The following DLC1 variants were observed in gnomAD, a reference collection of about 807,000 sequenced individuals.
DLC1 encodes rho GTPase-activating protein 7.
A neutral mutation model predicts 140.3 loss-of-function variants in DLC1; 54 were observed. That is an observed-to-expected ratio of 0.38 (90% confidence interval 0.31 to 0.48). DLC1 has a LOEUF of 0.48. Among genes scored for constraint, DLC1 ranks in the 20% least tolerant of loss-of-function variants. The pLI is 0.96. For missense variants in DLC1, 2,536 were observed against 1,907.0 expected, an observed-to-expected ratio of 1.33 and a Z score of -6.14; for synonymous variants, 986 against 728.1, an observed-to-expected ratio of 1.35 and a Z score of -5.70.
chr8:13,444,693 T>C (rs1359122807), intron 2 of DLC1, among the ~76,000 whole-genome samples: 1 of 152,240 alleles, frequency 6.6e-6, no homozygotes, highest in Non-Finnish European at 1.5e-5. Context: ...TCATACAAAA[T>C]ATTATCACAC....
At chr8:13,364,595 C>G (rs139007279) in intron 4 of DLC1, among the ~76,000 whole-genome samples, 1 of 152,162 alleles carries the variant, frequency 6.6e-6, no homozygotes, top group Non-Finnish European at 1.5e-5. Flanking sequence ...CCACAGCAGG[C>G]CTGCATAATG....
intron 1 of DLC1, among the ~76,000 whole-genome samples, chr8:13,549,908 A>C (rs939071416): frequency 1.2e-4 from 19 of 152,138 alleles, no homozygotes; most frequent in Admixed American, 8.5e-4. Context: ...CGGCTTGTTT[A>C]CAAACTACAC....
chr8:13,151,998 C>G (rs34679071), intron 5 of DLC1, among the ~76,000 whole-genome samples: 2 of 151,898 alleles, frequency 1.3e-5, no homozygotes, highest in African/African-American at 4.8e-5. Context: ...TGGTTGTGTT[C>G]TATCTATTGC....
chr8:13,419,893 C>G (rs1238989112), intron 2 of DLC1, among the ~76,000 whole-genome samples: 6 of 152,148 alleles, frequency 3.9e-5, no homozygotes, highest in Non-Finnish European at 8.8e-5. Context: ...ATTTCAGATC[C>G]TGTTATTGGT....
chr8:13,135,467 C>T (rs992229713), intron 5 of DLC1, among the ~76,000 whole-genome samples: 4 of 152,084 alleles, frequency 2.6e-5, no homozygotes, highest in African/African-American at 9.7e-5. Context: ...AGGCGTGAGC[C>T]ACCGCGCCCG....
intron 5 of DLC1, among the ~76,000 whole-genome samples, chr8:13,129,161 C>G (rs1278742627): frequency 1.3e-5 from 2 of 152,224 alleles, no homozygotes; most frequent in African/African-American, 2.4e-5. Flanking sequence ...GCTGATGGCG[C>G]TCATTCAACG....
At position 13,229,666 on chromosome 8, in the gene DLC1, A is replaced by AAG. The variant is rs146976808; in HGVS notation, c.1348+75601_1348+75602dup. On this transcript the variant is annotated intron_variant, in intron 5 of 17. Transcript: ENST00000276297. ...GAGAGAGAGAAAGAGAGAGAGAGAG[A>AAG]AGAGAGAGAGAGAGACTTCTTTTTC... Among the ~76,000 whole-genome samples, 51 of 150,312 alleles carry AAG rather than the reference A, an allele frequency of 3.4e-4. 1 individual carries two copies. The highest frequency in any genetic ancestry group is 6.0e-4 in the Admixed American group (9 of 15,096).
At chr8:13,415,302 T>C (rs1404742729) in intron 2 of DLC1, among the ~76,000 whole-genome samples, 2 of 152,034 alleles carry the variant, frequency 1.3e-5, no homozygotes, top group East Asian at 3.8e-4. Context: ...TATTAGTCAC[T>C]TGTTGTGAAA....
intron 5 of DLC1, among the ~76,000 whole-genome samples, chr8:13,250,008 C>G (rs1829935366): frequency 6.6e-6 from 1 of 152,166 alleles, no homozygotes; most frequent in African/African-American, 2.4e-5. Flanking sequence ...GACATTGTGG[C>G]CACTTCCATC....
intron 1 of DLC1, among the ~76,000 whole-genome samples, chr8:13,581,598 C>T (rs913662716): frequency 2.0e-5 from 3 of 152,206 alleles, no homozygotes; most frequent in Admixed American, 1.3e-4. Flanking sequence ...CACCTTATTT[C>T]AGGCTTAAAC....
intron 2 of DLC1, among the ~76,000 whole-genome samples, chr8:13,496,717 C>G (rs182536075): frequency 5.7e-4 from 86 of 150,938 alleles, no homozygotes; most frequent in Admixed American, 1.6e-3. Flanking sequence ...GGATCTGACT[C>G]CATGTTTTTA....
chr8:13,480,739 A>G (rs1800690090), intron 2 of DLC1, among the ~76,000 whole-genome samples: 1 of 152,094 alleles, frequency 6.6e-6, no homozygotes, highest in South Asian at 2.1e-4. Flanking sequence ...CCCAATTTCT[A>G]CTAAAAGTAT....
At chr8:13,211,385 G>C (rs1357119480) in intron 5 of DLC1, among the ~76,000 whole-genome samples, 1 of 152,076 alleles carries the variant, frequency 6.6e-6, no homozygotes, top group South Asian at 2.1e-4. Flanking sequence ...GGGTAGCCCT[G>C]CTCTGTCTAT....
In DLC1 at chr8:13,314,606, A is replaced by G. The variant is rs940707317; in HGVS notation, c.1315-9304T>C. ...TTAATAATTCAATGCCTGCATGTTC[A>G]TCTGTATTACCAAACATTTGCTGAT... On this transcript the variant is annotated intron_variant, in intron 4 of 17. Coordinates refer to ENST00000276297, the MANE Select transcript of DLC1 (RefSeq NM_182643.3). Among the ~76,000 whole-genome samples the G allele has an allele frequency of 1.3e-4, 20 of 152,332 alleles. 1 individual carries two copies. In the East Asian group the frequency reaches 3.9e-3, roughly 29 times the overall value.
chr8:13,431,960 T>C (rs1304223536), intron 2 of DLC1, among the ~76,000 whole-genome samples: 1 of 152,230 alleles, frequency 6.6e-6, no homozygotes, highest in East Asian at 1.9e-4. Flanking sequence ...ATCTTAGAAA[T>C]TCATATGTGA....
chr8:13,257,439 G>GAAAAAA (rs34452124), intron 5 of DLC1, among the ~76,000 whole-genome samples: 11 of 104,466 alleles, frequency 1.1e-4, no homozygotes, highest in Non-Finnish European at 9.7e-5. Context: ...CCTGTCTCAG[G>GAAAAAA]AAAAAAAAAA....
chr8:13,553,430 T>C (rs1487502302), intron 1 of DLC1, among the ~76,000 whole-genome samples: 1 of 151,046 alleles, frequency 6.6e-6, no homozygotes, highest in East Asian at 1.9e-4. Context: ...CAGCATAATG[T>C]TTTTTTCTTA....
chr8:13,302,792 A>T (rs928433808), intron 5 of DLC1, among the ~76,000 whole-genome samples: 2 of 152,196 alleles, frequency 1.3e-5, no homozygotes, highest in South Asian at 4.2e-4. Context: ...CCCCGAGAAG[A>T]TTGAGTGGGT....
chr8:13,240,239 A>G (rs1175256738), intron 5 of DLC1, among the ~76,000 whole-genome samples: 1 of 152,170 alleles, frequency 6.6e-6, no homozygotes, highest in Non-Finnish European at 1.5e-5. Flanking sequence ...TCTAAACCAC[A>G]GAAAAAGCTG....
Sources: allele counts gnomAD v4.1 joint callset (sites outside exome capture counted in the v4.1 genomes callset), GRCh38; gene constraint gnomAD v4.1.1; transcripts MANE v1.5; gene names NCBI Gene and HGNC (gene_info 2026-07-23, HGNC 2026-07-21).